The following SV2B variants were observed in gnomAD, a reference collection of about 807,000 sequenced individuals.
SV2B encodes synaptic vesicle glycoprotein 2B.
A neutral mutation model predicts 73.9 loss-of-function variants in SV2B; 41 were observed. The observed-to-expected ratio is 0.56, with a 90% CI of 0.43 to 0.72. SV2B has a LOEUF of 0.72. Among genes scored for constraint, SV2B ranks in the 30% least tolerant of loss-of-function variants. The pLI is 0.00. For synonymous variants in SV2B, 314 were observed against 314.2 expected, an observed-to-expected ratio of 1.00 and a Z score of 0.01; for missense variants, 764 against 857.8, an observed-to-expected ratio of 0.89 and a Z score of 1.37.
chr15:91,152,719 T>C (rs1267051192), intron 1 of SV2B, among the ~76,000 whole-genome samples: 1 of 152,126 alleles, frequency 6.6e-6, no homozygotes, highest in African/African-American at 2.4e-5. Flanking sequence ...GAGGAAGATA[T>C]TAGCAAAGGT....
intron 9 of SV2B, among the ~76,000 whole-genome samples, chr15:91,272,918 C>T (rs1304665664): frequency 6.7e-6 from 1 of 150,094 alleles, no homozygotes; most frequent in Non-Finnish European, 1.5e-5. Context: ...CTACAGTCTC[C>T]GCCTCCCAGG....
intron 1 of SV2B, among the ~76,000 whole-genome samples, chr15:91,169,889 A>T (rs1248150007): frequency 6.6e-6 from 1 of 152,198 alleles, no homozygotes; most frequent in Non-Finnish European, 1.5e-5. Context: ...TTTCTTGTTT[A>T]ACATCCCTGT....
chr15:91,168,531 A>G (rs1034304355), intron 1 of SV2B, among the ~76,000 whole-genome samples: 2 of 152,142 alleles, frequency 1.3e-5, no homozygotes, highest in Admixed American at 6.5e-5. Context: ...CCCACATCCT[A>G]TGTTCCACAG....
chr15:91,262,251 C>A (rs1042603590), intron 6 of SV2B, among the ~76,000 whole-genome samples: 1 of 151,758 alleles, frequency 6.6e-6, no homozygotes, highest in Admixed American at 6.6e-5. Flanking sequence ...AGTAAAACAC[C>A]AAAAAACAAA....
At chr15:91,228,843 G>A (rs1312861652) in intron 2 of SV2B, among the ~76,000 whole-genome samples, 1 of 152,200 alleles carries the variant, frequency 6.6e-6, no homozygotes, top group East Asian at 1.9e-4. Flanking sequence ...GGATCCAGGG[G>A]GCTGGATGAT....
rs527464201 is a variant in SV2B at position 91,231,421 on chromosome 15, G to A, written c.451+4707G>A. Among the ~76,000 whole-genome samples, 1 of 152,078 alleles carries A rather than the reference G, an allele frequency of 6.6e-6. No homozygotes were observed. The highest frequency in any genetic ancestry group is 2.1e-4 in the South Asian group (1 of 4,830). On this transcript the variant is annotated intron_variant, in intron 2 of 12. Coordinates refer to ENST00000394232, the MANE Select transcript of SV2B (RefSeq NM_001323032.3). This position sits in a 1 kb window ranked among gnomAD's most constrained non-coding sequence, Gnocchi z 4.5. The stretch of plus-strand genomic sequence containing the variant: ...ATGAGTTTTCTGAATTGGTTCTGGG[G>A]TTTCTGGAATTGGCTTTCTAATCTG...
rs1441324712 is a variant in SV2B at position 91,284,022 on chromosome 15, C to G, written c.1509C>G (p.Asp503Glu). The change falls in exon 11 of 13, where the codon GAC (aspartate) becomes GAG (glutamate). Residue 503 changes from aspartate to glutamate, a missense_variant and splice_region_variant. Transcript: ENST00000394232. The surrounding 1 kb of genome is among the most constrained non-coding windows in gnomAD (Gnocchi z 4.5). ...CCGAAGGTTTCCTTCTCTCCCCAGA[C>G]CTCTACGAGCACAAGTTCATCAACT... ...TIESTIFYNT[D>E]LYEHKFINCR... The G allele has an allele frequency of 6.2e-7, 1 of 1,614,210 alleles. No individual in the cohort carries two copies. Among genetic ancestry groups the G allele is most frequent in the Non-Finnish European group, 8.5e-7 (1 of 1,180,032 alleles).
Position 91,287,626 on chromosome 15 carries a change from A to T in SV2B, c.1709-1895A>T, listed in dbSNP as rs111598482. Reference sequence around the variant, plus strand: ...TGCTGCTCATTTTCTGTTCACTCCCATCCCCACCCCAGAGTTCTGAGCTGG... The same window carrying T: ...TGCTGCTCATTTTCTGTTCACTCCCTTCCCCACCCCAGAGTTCTGAGCTGG... On this transcript the variant is annotated intron_variant, in intron 11 of 12. Transcript: ENST00000394232. 1.6e-3 allele frequency among the ~76,000 whole-genome samples: 237 copies of T among 152,254 alleles called. 2 individuals carry two copies. The highest frequency in any genetic ancestry group is 5.3e-3 in the African/African-American group (220 of 41,542).
chr15:91,232,569 T>C lies in SV2B; in HGVS notation c.451+5855T>C, dbSNP rs561156007. On this transcript the variant is annotated intron_variant, in intron 2 of 12. Coordinates refer to ENST00000394232, the MANE Select transcript of SV2B (RefSeq NM_001323032.3). This position sits in a 1 kb window ranked among gnomAD's most constrained non-coding sequence, Gnocchi z 4.7. ...GTGATTTTGGTACTGAGAGTGCTTCTAGAGGAGCGGAATTTTGAGGATGAG... is the reference window on the plus strand; with the variant it reads ...GTGATTTTGGTACTGAGAGTGCTTCCAGAGGAGCGGAATTTTGAGGATGAG... Among the ~76,000 whole-genome samples the C allele has an allele frequency of 2.0e-5, 3 of 152,306 alleles. No homozygotes were observed. The South Asian group carries it at 6.2e-4, about 32-fold the overall frequency.
At position 91,268,745 on chromosome 15, in the gene SV2B, A is replaced by G; in HGVS notation, c.1373+140A>G. On this transcript the variant is annotated intron_variant, in intron 9 of 12. Transcript: ENST00000394232. This position sits in a 1 kb window ranked among gnomAD's most constrained non-coding sequence, Gnocchi z 4.4. The stretch of plus-strand genomic sequence containing the variant: ...GCTGGTGTCATCATCACAACCTGTC[A>G]TGGCTGCCAGTGACGCCATAGCTCC... 1 of 1,152,746 alleles carries G rather than the reference A, an allele frequency of 8.7e-7. No individual in the cohort carries two copies. The highest frequency in any genetic ancestry group is 1.5e-5 in the African/African-American group (1 of 64,710). 71.4% of individuals were successfully genotyped at this position (1,152,746 alleles called of 1,614,324 possible).
At chr15:91,248,801 T>C (rs2047357060) in intron 2 of SV2B, among the ~76,000 whole-genome samples, 1 of 152,192 alleles carries the variant, frequency 6.6e-6, no homozygotes, top group African/African-American at 2.4e-5. Context: ...CCCCAGGTGA[T>C]TTATGTGCAC....
chr15:91,210,078 G>A (rs1048017430), intron 1 of SV2B, among the ~76,000 whole-genome samples: 1 of 152,088 alleles, frequency 6.6e-6, no homozygotes, highest in African/African-American at 2.4e-5. Flanking sequence ...GAGAACCACA[G>A]GGCCAATGAC....
intron 1 of SV2B, among the ~76,000 whole-genome samples, chr15:91,138,820 G>T (rs1289402077): frequency 1.3e-5 from 2 of 152,094 alleles, no homozygotes; most frequent in African/African-American, 4.8e-5. Context: ...ATCCCTCACG[G>T]TTACTGAGAG....
intron 1 of SV2B, among the ~76,000 whole-genome samples, chr15:91,112,105 G>A (rs1389105943): frequency 2.0e-5 from 3 of 149,910 alleles, no homozygotes; most frequent in Admixed American, 1.3e-4. Flanking sequence ...CATGGGGTCT[G>A]AGGTGGTATT....
rs1417093789 is a variant in SV2B at position 91,129,455 on chromosome 15, A to G, written c.-392+29092A>G. Among the ~76,000 whole-genome samples, 2 of 152,164 alleles carry G rather than the reference A, an allele frequency of 1.3e-5. No homozygotes were observed. Among genetic ancestry groups the G allele is most frequent in the Non-Finnish European group, 1.5e-5 (1 of 68,026 alleles). On this transcript the variant is annotated intron_variant, in intron 1 of 12. Transcript: ENST00000394232. The surrounding 1 kb of genome is among the most constrained non-coding windows in gnomAD (Gnocchi z 5.1). ...GAGCATTGAGGCTGAGTCAAGTGCAATGGTGGGGATCAGCAAAGATGTATG... is the reference window on the plus strand; with the variant it reads ...GAGCATTGAGGCTGAGTCAAGTGCAGTGGTGGGGATCAGCAAAGATGTATG...
intron 1 of SV2B, among the ~76,000 whole-genome samples, chr15:91,146,429 G>A (rs1291357151): frequency 6.6e-6 from 1 of 151,908 alleles, no homozygotes; most frequent in Non-Finnish European, 1.5e-5. Context: ...TGGCTATTTG[G>A]GCTCTTTTTA....
rs2046374371 is a variant in SV2B at position 91,226,292 on chromosome 15, A to G, written c.29A>G (p.Tyr10Cys). Residue 10 changes from tyrosine to cysteine, a missense_variant, in exon 2 of 13, where the codon TAT becomes TGT. By Grantham distance (194) the Tyr-to-Cys change is radical. Transcript: ENST00000394232. The part of the protein sequence containing the change: MDDYKYQDN[Y>C]GGYAPSDGYY... ...GATGACTACAAGTATCAGGACAATT[A>G]TGGGGGCTATGCTCCCAGTGATGGC... is the stretch of plus-strand genomic sequence containing the variant. 6.2e-7 allele frequency: 1 copy of G among 1,614,070 alleles called. No homozygotes were observed. Among genetic ancestry groups the G allele is most frequent in the South Asian group, 1.1e-5 (1 of 91,074 alleles).
At chr15:91,113,368 T>G (rs79545804) in intron 1 of SV2B, among the ~76,000 whole-genome samples, 3,022 of 152,332 alleles carry the variant, frequency 0.02, 104 homozygotes, top group African/African-American at 0.069. Context: ...ACTCTGCCTA[T>G]GCTCAACTAC....
intron 1 of SV2B, among the ~76,000 whole-genome samples, chr15:91,190,526 A>G (rs565953823): frequency 6.6e-6 from 1 of 152,332 alleles, no homozygotes. Flanking sequence ...CTGTAGTCAT[A>G]AATACTTATT....
Sources: gnomAD v4.1 joint callset for allele counts (sites outside exome capture counted in the v4.1 genomes callset) on GRCh38, gnomAD v4.1.1 for gene constraint, Gnocchi (gnomAD v3.1) non-coding constraint, MANE v1.5 for transcripts, NCBI Gene and HGNC (gene_info 2026-07-23, HGNC 2026-07-21) for gene names.